PRORP: variants seen among roughly 807,000 people sequenced by gnomAD.
The protein encoded by PRORP is mitochondrial ribonuclease P catalytic subunit.
Under a neutral mutation model 59.4 loss-of-function variants are expected in PRORP, and 51 were observed. The ratio of observed to expected loss-of-function variants is 0.86; its 90% confidence interval spans 0.69 to 1.08. The LOEUF is 1.08. PRORP is among the 50% of genes least tolerant of loss of function. PRORP has a pLI of 0.00. For synonymous variants in PRORP, 231 were observed against 245.6 expected (o/e 0.94, Z 0.55); for missense variants, 646 against 690.3 (o/e 0.94, Z 0.72).
chr14:35,215,224 G>A (rs533533598), intron 5 of PRORP, among the ~76,000 whole-genome samples: 1 of 152,130 alleles, frequency 6.6e-6, no homozygotes, highest in African/African-American at 2.4e-5. Flanking sequence ...ATTCAAGCAG[G>A]TTGCCTGTGA....
intron 5 of PRORP, among the ~76,000 whole-genome samples, chr14:35,240,094 G>A (rs1232806253): frequency 6.7e-6 from 1 of 148,336 alleles, no homozygotes; most frequent in Non-Finnish European, 1.5e-5. Context: ...AAAAAAAGAA[G>A]AAGAAATTAG....
At chr14:35,232,521 A>G (rs1158731755) in intron 5 of PRORP, among the ~76,000 whole-genome samples, 3 of 152,160 alleles carry the variant, frequency 2.0e-5, no homozygotes, top group African/African-American at 7.2e-5. Flanking sequence ...TTCTTGACAT[A>G]CTTAGCCTGC....
intron 4 of PRORP, among the ~76,000 whole-genome samples, chr14:35,151,672 A>G (rs1390784111): frequency 6.7e-6 from 1 of 149,378 alleles, no homozygotes; most frequent in Non-Finnish European, 1.5e-5. Flanking sequence ...ACACACACAC[A>G]CACACAGAGC....
intron 5 of PRORP, among the ~76,000 whole-genome samples, chr14:35,246,697 A>C (rs903414588): frequency 6.6e-6 from 1 of 152,184 alleles, no homozygotes; most frequent in Admixed American, 6.5e-5. Context: ...TTAAGATTAG[A>C]TGCATGTGTT....
At position 35,232,912 on chromosome 14, in the gene PRORP, A is replaced by G. The variant is rs532197347; in HGVS notation, c.1276-33815A>G. Among the ~76,000 whole-genome samples the G allele has an allele frequency of 1.7e-4, 26 of 152,172 alleles. No homozygotes were observed. The East Asian group carries it at 5.0e-3, about 29-fold the overall frequency. On this transcript the variant is annotated intron_variant, in intron 5 of 7. Coordinates refer to ENST00000534898, the MANE Select transcript of PRORP (RefSeq NM_014672.4). ...ATGGTCTTGGTCTCCTGACCTCATG[A>G]TCTGCCCGCCTCAGCCTACCAAAGT...
At chr14:35,200,348 C>T (rs1228801315) in intron 5 of PRORP, among the ~76,000 whole-genome samples, 3 of 152,152 alleles carry the variant, frequency 2.0e-5, no homozygotes, top group Non-Finnish European at 4.4e-5. Flanking sequence ...CCCACCACCA[C>T]GCCCAGCTAA....
At chr14:35,243,594 G>C (rs2050415901) in intron 5 of PRORP, among the ~76,000 whole-genome samples, 1 of 151,946 alleles carries the variant, frequency 6.6e-6, no homozygotes, top group Non-Finnish European at 1.5e-5. Context: ...AAAGAAAGGA[G>C]TTAAAATTGA....
intron 5 of PRORP, among the ~76,000 whole-genome samples, chr14:35,256,161 G>A (rs1172954201): frequency 6.7e-6 from 1 of 149,992 alleles, no homozygotes; most frequent in East Asian, 2.0e-4. Context: ...GCAGGCACCT[G>A]TAATCCCAGA....
At chr14:35,173,066 C>T (rs2048361018) in intron 4 of PRORP, among the ~76,000 whole-genome samples, 1 of 152,010 alleles carries the variant, frequency 6.6e-6, no homozygotes, top group Admixed American at 6.6e-5. Context: ...TGAGGTTTCA[C>T]CATGTTGGCC....
intron 4 of PRORP, among the ~76,000 whole-genome samples, chr14:35,161,872 T>C (rs1400767870): frequency 6.6e-6 from 1 of 152,154 alleles, no homozygotes; most frequent in East Asian, 1.9e-4. Flanking sequence ...TACAGGATAA[T>C]GTATTAATAC....
rs191033636 is a variant in PRORP at position 35,130,938 on chromosome 14, G to A, written c.1167+3327G>A. 1.9e-3 allele frequency among the ~76,000 whole-genome samples: 272 copies of A among 144,242 alleles called. 1 individual carries two copies. The highest frequency in any genetic ancestry group is 6.8e-3 in the African/African-American group (262 of 38,790). 94.6% of individuals were successfully genotyped at this position (144,242 alleles called of 152,430 possible). ...TATAGGCGTGAGTCACCAGAGTAAC[G>A]GTCCTTTTCTTCTTCTTCTTTTTTT... On this transcript the variant is annotated intron_variant, in intron 4 of 7. Coordinates refer to ENST00000534898, the MANE Select transcript of PRORP (RefSeq NM_014672.4).
At chr14:35,223,019 C>G (rs180785805) in intron 5 of PRORP, among the ~76,000 whole-genome samples, 18 of 152,280 alleles carry the variant, frequency 1.2e-4, no homozygotes, top group African/African-American at 4.3e-4. Context: ...AATTTACTCT[C>G]TTAGGGTCAA....
intron 5 of PRORP, among the ~76,000 whole-genome samples, chr14:35,256,779 T>C (rs945374856): frequency 1.3e-5 from 2 of 152,160 alleles, no homozygotes; most frequent in Admixed American, 1.3e-4. Flanking sequence ...CGTGAGCTGA[T>C]AATTATTGCA....
chr14:35,254,148 C>G (rs1253058407), intron 5 of PRORP, among the ~76,000 whole-genome samples: 2 of 151,706 alleles, frequency 1.3e-5, no homozygotes, highest in East Asian at 3.9e-4. Context: ...TGCTTTATCC[C>G]TCTCCTTGTT....
At chr14:35,160,468 C>T (rs2048029103) in intron 4 of PRORP, among the ~76,000 whole-genome samples, 2 of 152,228 alleles carry the variant, frequency 1.3e-5, no homozygotes, top group East Asian at 3.9e-4. Context: ...TCATTCTCTT[C>T]TCTGCTTCCG....
intron 4 of PRORP, chr14:35,159,073 C>G (rs746979021): frequency 1.8e-5 from 4 of 223,024 alleles, no homozygotes; most frequent in Admixed American, 1.2e-4. Flanking sequence ...TGACGCTCCT[C>G]TCCTAATCAG....
intron 4 of PRORP, among the ~76,000 whole-genome samples, chr14:35,169,511 C>T (rs1264496537): frequency 6.6e-6 from 1 of 151,436 alleles, no homozygotes; most frequent in East Asian, 1.9e-4. Context: ...AGGAAACTTA[C>T]AATGATGGCA....
chr14:35,207,167 G>A (rs897639153), intron 5 of PRORP, among the ~76,000 whole-genome samples: 1 of 152,064 alleles, frequency 6.6e-6, no homozygotes, highest in Non-Finnish European at 1.5e-5. Context: ...TTTACCTGGC[G>A]ATGCCGGAGC....
chr14:35,252,422 T>C (rs2050636800), intron 5 of PRORP, among the ~76,000 whole-genome samples: 1 of 152,076 alleles, frequency 6.6e-6, no homozygotes, highest in Non-Finnish European at 1.5e-5. Context: ...TGAAACCCTG[T>C]CTCAAAAACA....
Sources: gnomAD v4.1 joint callset for allele counts (sites outside exome capture counted in the v4.1 genomes callset) on GRCh38, gnomAD v4.1.1 for gene constraint, MANE v1.5 for transcripts, NCBI Gene and HGNC (gene_info 2026-07-23, HGNC 2026-07-21) for gene names.